RFC4: variants seen among roughly 807,000 people sequenced by gnomAD.
RFC4 encodes A1 37 kDa subunit.
Under a neutral mutation model 47.6 loss-of-function variants are expected in RFC4, and 38 were observed. The ratio of observed to expected loss-of-function variants is 0.80; its 90% confidence interval spans 0.62 to 1.05. RFC4 has a LOEUF of 1.05. RFC4 is among the 50% of genes least tolerant of loss of function. The pLI, the probability that RFC4 is intolerant of heterozygous loss-of-function variation, is 0.00. For missense variants in RFC4, 489 were observed against 434.0 expected, an observed-to-expected ratio of 1.13 and a Z score of -1.13; for synonymous variants, 164 against 150.0, an observed-to-expected ratio of 1.09 and a Z score of -0.68.
At chr3:186,791,222 C>T (rs1460774091) in intron 8 of RFC4, 1 of 159,152 alleles carries the variant, frequency 6.3e-6, no homozygotes, top group Non-Finnish European at 1.4e-5. Context: ...GTGGCTCCCA[C>T]CTATAATCCC....
At chr3:186,791,595 G>A (rs1447030744) in intron 8 of RFC4, 130 bp downstream of exon 8, 1 of 822,334 alleles carries the variant, frequency 1.2e-6, no homozygotes, top group Non-Finnish European at 2.1e-6. Flanking sequence ...GATACTCCCA[G>A]GTTATTCCCT....
chr3:186,799,352 T>A (rs1461953348), intron 3 of RFC4, among the ~76,000 whole-genome samples: 1 of 152,196 alleles, frequency 6.6e-6, no homozygotes, highest in Non-Finnish European at 1.5e-5. Context: ...AAAAAAACTA[T>A]TTCACCTCTT....
intron 8 of RFC4, chr3:186,791,318 G>A (rs954719898): frequency 7.8e-5 from 17 of 217,636 alleles, no homozygotes; most frequent in African/African-American, 1.8e-4. Context: ...GTGAAACCCC[G>A]TCTCTACTAA....
chr3:186,801,285 T>C, intron 2 of RFC4, 90 bp from the exon 3 acceptor site: 3 of 926,824 alleles, frequency 3.2e-6, no homozygotes, highest in Non-Finnish European at 5.3e-6. Context: ...AAAATACCAA[T>C]GACCATTCTT....
intron 4 of RFC4, among the ~76,000 whole-genome samples, chr3:186,795,513 G>C (rs779109253): frequency 6.6e-6 from 1 of 151,870 alleles, no homozygotes; most frequent in African/African-American, 2.4e-5. Flanking sequence ...AATTATTTCC[G>C]GCCGGATGTG....
chr3:186,795,156 C>T (rs1219566976), intron 4 of RFC4, among the ~76,000 whole-genome samples: 1 of 152,170 alleles, frequency 6.6e-6, no homozygotes, highest in Non-Finnish European at 1.5e-5. Flanking sequence ...AGGCACATGC[C>T]ATCACACCTG....
chr3:186,798,244 T>G (rs942335018), intron 3 of RFC4, among the ~76,000 whole-genome samples: 7 of 152,268 alleles, frequency 4.6e-5, no homozygotes, highest in Admixed American at 3.9e-4. Flanking sequence ...AGGATAAAAT[T>G]AAATCACTAG....
At chr3:186,803,463 T>C (rs754227983) in intron 2 of RFC4, among the ~76,000 whole-genome samples, 4 of 152,190 alleles carry the variant, frequency 2.6e-5, no homozygotes, top group Non-Finnish European at 4.4e-5. Flanking sequence ...ATTCAACCAA[T>C]AGTTACAATT....
chr3:186,804,502 G>GT, intron 2 of RFC4, 81 bp downstream of exon 2: 3 of 1,289,984 alleles, frequency 2.3e-6, no homozygotes, highest in Non-Finnish European at 3.2e-6. Flanking sequence ...TCCTCCATAA[G>GT]TTAAAAAAAA....
chr3:186,795,273 G>A (rs576630098), intron 4 of RFC4, among the ~76,000 whole-genome samples: 19 of 152,174 alleles, frequency 1.2e-4, no homozygotes, highest in Admixed American at 1.2e-3. Flanking sequence ...TTACAGGTGT[G>A]AGGCACCACA....
At chr3:186,790,514 C>G in intron 8 of RFC4, 108 bp from the exon 9 acceptor site, 1 of 790,568 alleles carries the variant, frequency 1.3e-6, no homozygotes, top group Non-Finnish European at 2.2e-6. Flanking sequence ...CACCTAAGTT[C>G]CATACTTTCC....
Position 186,796,828 on chromosome 3 carries a change from T to C in RFC4, c.290+707A>G, listed in dbSNP as rs1332038068. ...ATATTTCTATCAGTTGTATGTCTGATATTAATTCTGGATAAACTCAAAACA... is the reference window on the plus strand; with the variant it reads ...ATATTTCTATCAGTTGTATGTCTGACATTAATTCTGGATAAACTCAAAACA... On this transcript the variant is annotated intron_variant, in intron 4 of 10. Transcript: ENST00000296273. This position sits in a 1 kb window ranked among gnomAD's most constrained non-coding sequence, Gnocchi z 4.2. Among the ~76,000 whole-genome samples the C allele has an allele frequency of 1.3e-5, 2 of 152,224 alleles. No homozygotes were observed. The highest frequency in any genetic ancestry group is 2.9e-5 in the Non-Finnish European group (2 of 68,038).
intron 7 of RFC4, among the ~76,000 whole-genome samples, 181 bp downstream of exon 7, chr3:186,792,307 AAG>A (rs1429184518): frequency 6.6e-6 from 1 of 152,200 alleles, no homozygotes; most frequent in African/African-American, 2.4e-5. Context: ...TTAACTCAAA[AAG>A]TAATAGAAAA....
chr3:186,789,924 T>A lies in RFC4; in HGVS notation c.*45A>T. On this transcript the variant is annotated 3_prime_UTR_variant, in exon 11 of 11. Transcript: ENST00000296273. ...GTGCTTTTGGTCATTTTATTTTTAT[T>A]ACAACTTCATTATTTACAAAACCCC... The A allele has an allele frequency of 8.2e-7, 1 of 1,219,806 alleles. No homozygotes were observed. The highest frequency in any genetic ancestry group is 1.2e-6 in the Non-Finnish European group (1 of 840,520). 75.6% of individuals were successfully genotyped at this position (1,219,806 alleles called of 1,614,324 possible).
chr3:186,804,911 G>A (rs1722444305), intron 1 of RFC4, 187 bp from the exon 2 acceptor site: 9 of 538,358 alleles, frequency 1.7e-5, no homozygotes, highest in Non-Finnish European at 2.9e-5. Flanking sequence ...CACTCTGAAT[G>A]CACTGTACTG....
chr3:186,791,618 T>G, intron 8 of RFC4, 107 bp downstream of exon 8: 2 of 925,534 alleles, frequency 2.2e-6, no homozygotes, highest in Non-Finnish European at 3.6e-6. Context: ...TACTTCCTAG[T>G]GCAGTACTTG....
At chr3:186,794,849 CTT>C (rs1722211544) in intron 4 of RFC4, 72 bp from the exon 5 acceptor site, 1 of 1,543,248 alleles carries the variant, frequency 6.5e-7, no homozygotes, top group African/African-American at 1.4e-5. Flanking sequence ...CATTTGCACA[CTT>C]TGCAGACGTT....
chr3:186,794,508 G>T, intron 5 of RFC4, 150 bp downstream of exon 5: 1 of 741,466 alleles, frequency 1.3e-6, no homozygotes, highest in Non-Finnish European at 2.2e-6. Flanking sequence ...TTAAATCCCT[G>T]TTTACCTCAG....
Position 186,804,742 on chromosome 3 carries a change from AG to A in RFC4, c.-11-19del, listed in dbSNP as rs1487443540. Reference sequence around the variant, plus strand: ...ACTTCACCCTGGTCAGGTGCAAGACAGAAAAAAAAAGCTTTTATTGAAACTT... The same window carrying A: ...ACTTCACCCTGGTCAGGTGCAAGACAAAAAAAAAAGCTTTTATTGAAACTT... On this transcript the variant is annotated intron_variant, in intron 1 of 10. Coordinates refer to ENST00000296273, the MANE Select transcript of RFC4 (RefSeq NM_002916.5). The A allele has an allele frequency of 6.3e-7, 1 of 1,580,582 alleles. No individual in the cohort carries two copies. Among genetic ancestry groups the A allele is most frequent in the Non-Finnish European group, 8.6e-7 (1 of 1,164,272 alleles).
Sources: gnomAD v4.1 joint callset for allele counts (sites outside exome capture counted in the v4.1 genomes callset) on GRCh38, gnomAD v4.1.1 for gene constraint, Gnocchi (gnomAD v3.1) non-coding constraint, MANE v1.5 for transcripts, NCBI Gene and HGNC (gene_info 2026-07-23, HGNC 2026-07-21) for gene names.